Variants in ERBB4 observed in about 807,000 individuals in gnomAD.
ERBB4 encodes the protein receptor tyrosine-protein kinase erbB-4.
ERBB4 carries 42 observed loss-of-function variants against 158.0 expected under a neutral mutation model. The observed-to-expected ratio is 0.27, with a 90% CI of 0.21 to 0.34. The LOEUF (loss-of-function observed/expected upper bound fraction) is 0.34. ERBB4 is among the 10% of genes least tolerant of loss of function. The probability of loss-of-function intolerance (pLI) is 1.00; values close to 1 mark genes in which losing one functional copy is unlikely to be tolerated. For synonymous variants in ERBB4, 583 were observed against 558.7 expected (o/e 1.04, Z -0.61); for missense variants, 1,333 against 1,624.1 (o/e 0.82, Z 3.08).
At chr2:212,485,396 T>C (rs1047761685) in intron 1 of ERBB4, among the ~76,000 whole-genome samples, 2 of 152,208 alleles carry the variant, frequency 1.3e-5, no homozygotes, top group African/African-American at 2.4e-5. Flanking sequence ...ATATAAACTC[T>C]TGGAAGGCAT....
chr2:212,158,921 T>C (rs1455713892), intron 1 of ERBB4, among the ~76,000 whole-genome samples: 1 of 151,972 alleles, frequency 6.6e-6, no homozygotes, highest in East Asian at 1.9e-4. Context: ...ATGAGAATAT[T>C]AATGTAGGGG....
At chr2:212,477,067 TG>T (rs1452142320) in intron 1 of ERBB4, among the ~76,000 whole-genome samples, 1 of 152,134 alleles carries the variant, frequency 6.6e-6, no homozygotes, top group African/African-American at 2.4e-5. Context: ...AAAGATTAAA[TG>T]AAATGATCTA....
intron 1 of ERBB4, among the ~76,000 whole-genome samples, chr2:212,312,876 G>T (rs954314063): frequency 1.4e-4 from 21 of 150,860 alleles, no homozygotes; most frequent in African/African-American, 4.8e-4. Flanking sequence ...AAATCATTTT[G>T]ATTGTAAATT....
intron 1 of ERBB4, among the ~76,000 whole-genome samples, chr2:212,404,580 G>C (rs768246370): frequency 1.3e-5 from 2 of 151,918 alleles, no homozygotes; most frequent in East Asian, 3.8e-4. Flanking sequence ...TGGCATGTTA[G>C]AGGATGACAA....
At chr2:211,978,384 GTCTGTCTGTCTGTCTA>G (rs1341540999) in intron 2 of ERBB4, among the ~76,000 whole-genome samples, 2 of 121,940 alleles carry the variant, frequency 1.6e-5, no homozygotes, top group East Asian at 4.5e-4. Flanking sequence ...CTGTCTGTCT[GTCTGTCTGTCTGTCTA>G]TCTATCTATC....
At chr2:212,436,688 A>G (rs111643169) in intron 1 of ERBB4, among the ~76,000 whole-genome samples, 1,683 of 152,154 alleles carry the variant, frequency 0.011, 35 homozygotes, top group African/African-American at 0.038. Flanking sequence ...ATTCAGCTCA[A>G]GTAACAAAAG....
At chr2:211,601,300 A>C (rs1210484404) in intron 19 of ERBB4, among the ~76,000 whole-genome samples, 1 of 152,042 alleles carries the variant, frequency 6.6e-6, no homozygotes, top group Non-Finnish European at 1.5e-5. Flanking sequence ...AAATTAGAGG[A>C]TCCATTTAGA....
intron 20 of ERBB4, among the ~76,000 whole-genome samples, chr2:211,483,145 T>C (rs898110102): frequency 2.0e-5 from 3 of 150,722 alleles, no homozygotes; most frequent in African/African-American, 7.3e-5. Flanking sequence ...AACTTGAAAA[T>C]AGAGAAATAG....
intron 25 of ERBB4, among the ~76,000 whole-genome samples, chr2:211,412,962 A>AAAAAG (rs1553523807): frequency 1.3e-5 from 2 of 150,848 alleles, no homozygotes; most frequent in South Asian, 2.1e-4. Context: ...AAAAAAAAAA[A>AAAAAG]AAAGAAAGAA....
At chr2:211,518,980 G>T (rs1266119389) in intron 20 of ERBB4, among the ~76,000 whole-genome samples, 1 of 151,972 alleles carries the variant, frequency 6.6e-6, no homozygotes, top group Non-Finnish European at 1.5e-5. Flanking sequence ...GTCTTCAGGG[G>T]AAGGTTTTGC....
intron 3 of ERBB4, among the ~76,000 whole-genome samples, chr2:211,861,695 T>TA (rs926282834): frequency 3.9e-5 from 6 of 152,100 alleles, no homozygotes; most frequent in Non-Finnish European, 8.8e-5. Context: ...AAATACTCAT[T>TA]AAAAAATTAC....
chr2:211,524,833 CGGTGGGCTGAAGGGCTCCTCA>C (rs375333914), intron 20 of ERBB4, among the ~76,000 whole-genome samples: 5,316 of 152,256 alleles, frequency 0.035, 299 homozygotes, highest in African/African-American at 0.12. Flanking sequence ...CACAGTGCAG[CGGTGGGCTGAAGGGCTCCTCA>C]GGTGCCGCCA....
chr2:211,851,590 G>A (rs2077723038), intron 3 of ERBB4, among the ~76,000 whole-genome samples: 1 of 151,848 alleles, frequency 6.6e-6, no homozygotes, highest in South Asian at 2.1e-4. Context: ...GTAAGTTGAA[G>A]AGCATATTTG....
At chr2:212,253,021 A>G (rs1162239755) in intron 1 of ERBB4, among the ~76,000 whole-genome samples, 1 of 152,122 alleles carries the variant, frequency 6.6e-6, no homozygotes. Context: ...TGACATCTAC[A>G]TCCTATGTTT....
At chr2:211,525,725 G>T (rs1049823686) in intron 20 of ERBB4, among the ~76,000 whole-genome samples, 1 of 152,094 alleles carries the variant, frequency 6.6e-6, no homozygotes, top group African/African-American at 2.4e-5. Context: ...TGCCCCGAAG[G>T]GTGAGTCTCA....
At chr2:211,762,969 G>A (rs753956491) in intron 4 of ERBB4, among the ~76,000 whole-genome samples, 1 of 151,844 alleles carries the variant, frequency 6.6e-6, no homozygotes, top group Non-Finnish European at 1.5e-5. Flanking sequence ...ATTCCATTTA[G>A]CTCTCTTATC....
In ERBB4 at chr2:211,383,824, G is replaced by C. The variant is rs770639422; in HGVS notation, c.3718C>G (p.Pro1240Ala). The change falls in exon 28 of 28, where the codon CCT (proline) becomes GCT (alanine). Residue 1240 changes from proline to alanine, a missense_variant. By Grantham distance (27) the Pro-to-Ala change is conservative (BLOSUM62 -1). Coordinates refer to ENST00000342788, the MANE Select transcript of ERBB4 (RefSeq NM_005235.3). Reference sequence around the variant, plus strand: ...GGCAGGCTGTGGTTCCAGTAGTCAGGGTTGTCAAACGCTTTCTTGGCCTTC... The same window carrying C: ...GGCAGGCTGTGGTTCCAGTAGTCAGCGTTGTCAAACGCTTTCTTGGCCTTC... ...PEKAKKAFDN[P>A]DYWNHSLPPR... 6 of 1,613,978 alleles carry C rather than the reference G, an allele frequency of 3.7e-6. No homozygotes were observed. In the African/African-American group the frequency reaches 5.3e-5, roughly 14 times the overall value.
intron 1 of ERBB4, among the ~76,000 whole-genome samples, chr2:212,160,295 C>T (rs926002585): frequency 1.3e-5 from 2 of 151,774 alleles, no homozygotes; most frequent in Non-Finnish European, 2.9e-5. Flanking sequence ...GAAAGGTAAC[C>T]ACTAAGGAAG....
intron 1 of ERBB4, among the ~76,000 whole-genome samples, chr2:212,159,483 T>C (rs972527854): frequency 1.3e-5 from 2 of 152,000 alleles, no homozygotes; most frequent in Non-Finnish European, 2.9e-5. Context: ...TACTTATACA[T>C]TTAAAATAAT....
Sources: allele counts gnomAD v4.1 joint callset (sites outside exome capture counted in the v4.1 genomes callset), GRCh38; gene constraint gnomAD v4.1.1; transcripts MANE v1.5; gene names NCBI Gene and HGNC (gene_info 2026-07-23, HGNC 2026-07-21).